VWA3B: variants seen among roughly 807,000 people sequenced by gnomAD.
The protein encoded by VWA3B is von Willebrand factor A domain containing 3B, also known as von Willebrand factor A domain-containing protein 3B.
In VWA3B, 138 loss-of-function variants were observed where a neutral mutation model predicts 158.3. The observed-to-expected ratio is 0.87, with a 90% CI of 0.76 to 1.00. The LOEUF (loss-of-function observed/expected upper bound fraction) is 1.00. VWA3B is among the 50% of genes least tolerant of loss of function. The probability of loss-of-function intolerance (pLI) is 0.00; values close to 1 mark genes in which losing one functional copy is unlikely to be tolerated. For missense variants in VWA3B, 1,555 were observed against 1,565.1 expected, an observed-to-expected ratio of 0.99 and a Z score of 0.11; for synonymous variants, 596 against 587.3, an observed-to-expected ratio of 1.01 and a Z score of -0.21.
chr2:98,163,741 G>A (rs576216380), intron 8 of VWA3B, among the ~76,000 whole-genome samples: 3 of 152,130 alleles, frequency 2.0e-5, no homozygotes, highest in Non-Finnish European at 4.4e-5. Flanking sequence ...GGGGCTTCTC[G>A]CTAAACCAAC....
intron 8 of VWA3B, among the ~76,000 whole-genome samples, chr2:98,169,096 C>G (rs1347617460): frequency 6.6e-6 from 1 of 152,054 alleles, no homozygotes. Context: ...GCAGCCAGAA[C>G]AACAACAAAA....
chr2:98,259,551 A>G (rs1376113292), intron 21 of VWA3B, among the ~76,000 whole-genome samples: 1 of 151,718 alleles, frequency 6.6e-6, no homozygotes, highest in African/African-American at 2.4e-5. Flanking sequence ...AGTATTCTCT[A>G]TAATTATTTT....
intron 20 of VWA3B, among the ~76,000 whole-genome samples, chr2:98,251,752 G>A (rs982099603): frequency 1.3e-5 from 2 of 152,150 alleles, no homozygotes; most frequent in Non-Finnish European, 2.9e-5. Context: ...CCTGCCCCAC[G>A]AAGGATCATT....
At chr2:98,126,083 C>T (rs576130539) in intron 5 of VWA3B, among the ~76,000 whole-genome samples, 11 of 152,228 alleles carry the variant, frequency 7.2e-5, no homozygotes, top group African/African-American at 1.9e-4. Context: ...AAATCTGTAG[C>T]GTAACACAGG....
chr2:98,330,250 A>G, the VWA3B span, among the ~76,000 whole-genome samples: 1 of 152,138 alleles, frequency 6.6e-6, no homozygotes, highest in East Asian at 1.9e-4. Flanking sequence ...GCTCAGGTCT[A>G]ACTAAGGGGC....
the VWA3B span, among the ~76,000 whole-genome samples, chr2:98,318,502 T>C: frequency 6.6e-5 from 10 of 152,158 alleles, no homozygotes; most frequent in African/African-American, 2.4e-4. Context: ...TTCTCACTTA[T>C]AAGTGGGAAC....
At chr2:98,244,471 A>T (rs1460002638) in intron 19 of VWA3B, among the ~76,000 whole-genome samples, 1 of 152,190 alleles carries the variant, frequency 6.6e-6, no homozygotes, top group Non-Finnish European at 1.5e-5. Context: ...TATGTTTAGG[A>T]AACACCTCTT....
At chr2:98,158,703 C>T (rs1425125441) in intron 7 of VWA3B, among the ~76,000 whole-genome samples, 3 of 63,264 alleles carry the variant, frequency 4.7e-5, no homozygotes, top group African/African-American at 2.8e-4. Context: ...GGCAGCTCAC[C>T]GTTTCCTGGG....
Position 98,181,045 on chromosome 2 carries a change from T to C in VWA3B, c.1144T>C (p.Ser382Pro). 6.2e-7 allele frequency: 1 copy of C among 1,614,190 alleles called. No individual in the cohort carries two copies. The highest frequency in any genetic ancestry group is 8.5e-7 in the Non-Finnish European group (1 of 1,180,028). Residue 382 changes from serine to proline, a missense_variant, in exon 9 of 28, where the codon TCG becomes CCG. Ser to Pro is a moderately conservative substitution (Grantham distance 74). Transcript: ENST00000477737. ...ESETTSVEIASNPEDTWDSKT... is the reference protein window; with the variant it reads ...ESETTSVEIAPNPEDTWDSKT... ...AGAAACAACCTCTGTTGAGATTGCA[T>C]CGAATCCAGAAGACACCTGGGACTC... is the stretch of plus-strand genomic sequence containing the variant.
Position 98,211,769 on chromosome 2 carries a change from G to T in VWA3B, c.1738-161G>T, listed in dbSNP as rs557754664. On this transcript the variant is annotated intron_variant, in intron 12 of 27. Coordinates refer to ENST00000477737, the MANE Select transcript of VWA3B (RefSeq NM_144992.5). ...GACTTTTAGGCATACCCTGCGATAT[G>T]TTTCTTGGAATCACTGGGGTTAAAC... Among the ~76,000 whole-genome samples, 11 of 152,310 alleles carry T rather than the reference G, an allele frequency of 7.2e-5. No homozygotes were observed. The East Asian group carries it at 2.1e-3, about 29-fold the overall frequency.
chr2:98,246,135 C>A (rs527462590), intron 19 of VWA3B, among the ~76,000 whole-genome samples: 3 of 152,016 alleles, frequency 2.0e-5, no homozygotes, highest in Admixed American at 6.5e-5. Flanking sequence ...AAAAATGAAA[C>A]AATACAGTAA....
chr2:98,108,691 CCTAT>C (rs1673875686), intron 2 of VWA3B, among the ~76,000 whole-genome samples: 1 of 151,772 alleles, frequency 6.6e-6, no homozygotes, highest in African/African-American at 2.4e-5. Context: ...ATTTGCATGG[CCTAT>C]CTTTTTCCAT....
At position 98,145,704 on chromosome 2, in the gene VWA3B, A is replaced by AT. The variant is rs540065729; in HGVS notation, c.988+11773dup. 5.4e-5 allele frequency among the ~76,000 whole-genome samples: 8 copies of AT among 148,742 alleles called. No individual in the cohort carries two copies. In the East Asian group the frequency reaches 1.4e-3, roughly 26 times the overall value. ...CATCAATTTCATCTTAACTGCTGTG[A>AT]TTTTTTTTCCTCTTTCCTGAGTGTT... is the stretch of plus-strand genomic sequence containing the variant. On this transcript the variant is annotated intron_variant, in intron 7 of 27. Coordinates refer to ENST00000477737, the MANE Select transcript of VWA3B (RefSeq NM_144992.5).
chr2:98,280,453 T>A (rs775813413), intron 22 of VWA3B, among the ~76,000 whole-genome samples: 1 of 152,252 alleles, frequency 6.6e-6, no homozygotes, highest in African/African-American at 2.4e-5. Context: ...GGTGATTAAC[T>A]GTTCTCCACA....
intron 15 of VWA3B, chr2:98,228,824 T>A (rs1685126222): frequency 6.6e-6 from 1 of 152,248 alleles, no homozygotes; most frequent in African/African-American, 2.4e-5. Context: ...ATGTTTCTAA[T>A]TTGTGGTTTT....
intron 19 of VWA3B, among the ~76,000 whole-genome samples, chr2:98,241,728 T>A (rs1417143669): frequency 6.6e-6 from 1 of 151,934 alleles, no homozygotes; most frequent in Non-Finnish European, 1.5e-5. Flanking sequence ...CTCAAGCACA[T>A]CCCATGGGCA....
At position 98,264,793 on chromosome 2, in the gene VWA3B, T is replaced by G. The variant is rs1034381570; in HGVS notation, c.2844-5889T>G. ...TTCTGTGTAGTTGTTCTGTCCATTA[T>G]TGAAAGCAGAGCATGAAGTCTCCTG... is the stretch of plus-strand genomic sequence containing the variant. On this transcript the variant is annotated intron_variant, in intron 21 of 27. Transcript: ENST00000477737. Among the ~76,000 whole-genome samples, 17 of 152,262 alleles carry G rather than the reference T, an allele frequency of 1.1e-4. No individual in the cohort carries two copies. The East Asian group carries it at 3.3e-3, about 29-fold the overall frequency.
At chr2:98,172,561 G>A (rs1679687499) in intron 8 of VWA3B, among the ~76,000 whole-genome samples, 2 of 152,182 alleles carry the variant, frequency 1.3e-5, no homozygotes, top group African/African-American at 4.8e-5. Context: ...CCATGGGGGT[G>A]GAACCCTAGC....
chr2:98,312,817 C>T lies in VWA3B; in HGVS notation c.*468C>T, dbSNP rs1275142053. 6.4e-6 allele frequency: 1 copy of T among 156,828 alleles called. No individual in the cohort carries two copies. The highest frequency in any genetic ancestry group is 1.9e-4 in the East Asian group (1 of 5,338). 9.7% of individuals were successfully genotyped at this position (156,828 alleles called of 1,614,324 possible). A position where few individuals can be genotyped will look rare whatever the true frequency, so the allele number is the denominator to read the frequency against. ...CTGAGATCTGCAAGACTGAACATCCCCTACTGTATAGTTTCCTGACATTTT... is the reference window on the plus strand; with the variant it reads ...CTGAGATCTGCAAGACTGAACATCCTCTACTGTATAGTTTCCTGACATTTT... On this transcript the variant is annotated 3_prime_UTR_variant, in exon 28 of 28. Coordinates refer to ENST00000477737, the MANE Select transcript of VWA3B (RefSeq NM_144992.5).
Sources: gnomAD v4.1 joint callset for allele counts (sites outside exome capture counted in the v4.1 genomes callset) on GRCh38, gnomAD v4.1.1 for gene constraint, MANE v1.5 for transcripts, NCBI Gene and HGNC (gene_info 2026-07-23, HGNC 2026-07-21) for gene names.